The following SPECC1 variants were observed in gnomAD, a reference collection of about 807,000 sequenced individuals.
SPECC1 encodes the protein cytospin-B.
SPECC1 carries 62 observed loss-of-function variants against 104.1 expected under a neutral mutation model. The ratio of observed to expected loss-of-function variants is 0.60; its 90% CI spans 0.49 to 0.74. SPECC1 has a LOEUF of 0.74. Ranked by LOEUF, SPECC1 falls within the 30% of genes least tolerant of loss-of-function variation. The probability of loss-of-function intolerance (pLI) is 0.00; values close to 1 mark genes in which losing one functional copy is unlikely to be tolerated. For missense variants in SPECC1, 1,306 were observed against 1,310.5 expected, an observed-to-expected ratio of 1.00 and a Z score of 0.05; for synonymous variants, 513 against 501.6, an observed-to-expected ratio of 1.02 and a Z score of -0.30.
intron 7 of SPECC1, chr17:20,237,096 T>C (rs1229585713): frequency 1.4e-6 from 2 of 1,411,884 alleles, no homozygotes; most frequent in Admixed American, 2.9e-5. Flanking sequence ...TGATCAAAGA[T>C]GATGTTTCCC....
chr17:20,072,555 C>T (rs1252057268), intron 1 of SPECC1, among the ~76,000 whole-genome samples: 1 of 152,234 alleles, frequency 6.6e-6, no homozygotes, highest in Non-Finnish European at 1.5e-5. Context: ...TGAGAGGCAG[C>T]AGCCTTGGCC....
Position 20,236,734 on chromosome 17 carries a change from C to T in SPECC1, c.2351+4329C>T. On this transcript the variant is annotated intron_variant, in intron 7 of 14. Transcript: ENST00000395527. Reference sequence around the variant, plus strand: ...ACAGTAGGACTTAAAATCTGTTGGCCTATCCTGGACATTAGCTTTTCCCTG... The same window carrying T: ...ACAGTAGGACTTAAAATCTGTTGGCTTATCCTGGACATTAGCTTTTCCCTG... 4.1e-6 allele frequency: 5 copies of T among 1,221,492 alleles called. No homozygotes were observed. The South Asian group carries it at 5.4e-5, about 13-fold the overall frequency. The allele number at this position is 1,221,492 out of a possible 1,614,324, so 75.7% of individuals were successfully genotyped here.
At chr17:20,248,819 T>C (rs1234847789) in intron 9 of SPECC1, among the ~76,000 whole-genome samples, 3 of 152,268 alleles carry the variant, frequency 2.0e-5, no homozygotes, top group Non-Finnish European at 4.4e-5. Context: ...TTAATAGTTA[T>C]CTTTTACTGA....
At chr17:20,289,599 C>A (rs2041087404) in intron 12 of SPECC1, among the ~76,000 whole-genome samples, 2 of 152,100 alleles carry the variant, frequency 1.3e-5, no homozygotes, top group Admixed American at 6.5e-5. Context: ...AGCTACTGTG[C>A]CTGGCCAAAA....
intron 3 of SPECC1, chr17:20,112,940 A>C: frequency 1.4e-6 from 2 of 1,410,172 alleles, no homozygotes; most frequent in South Asian, 2.3e-5. Flanking sequence ...GAAGGGAGCT[A>C]GATTTGAAGA....
At chr17:20,311,354 T>C (rs2041925816) in intron 14 of SPECC1, among the ~76,000 whole-genome samples, 1 of 152,072 alleles carries the variant, frequency 6.6e-6, no homozygotes. Context: ...CGTTTAGCAC[T>C]AGCTAGAACT....
chr17:20,066,399 G>A, intron 1 of SPECC1, among the ~76,000 whole-genome samples: 1 of 152,326 alleles, frequency 6.6e-6, no homozygotes, highest in African/African-American at 2.4e-5. Flanking sequence ...GTTCTGTGCA[G>A]AGCTGGCTGG....
chr17:20,074,001 A>G (rs747146045), intron 1 of SPECC1, among the ~76,000 whole-genome samples: 12 of 152,328 alleles, frequency 7.9e-5, no homozygotes, highest in Non-Finnish European at 1.6e-4. Context: ...TCAAGTTAAT[A>G]TATGAAGTTC....
intron 1 of SPECC1, among the ~76,000 whole-genome samples, chr17:20,045,628 G>A (rs1246651749): frequency 1.3e-5 from 2 of 152,126 alleles, no homozygotes; most frequent in Non-Finnish European, 1.5e-5. Context: ...CCTTTGAGAT[G>A]GTGTGACCCT....
intron 4 of SPECC1, among the ~76,000 whole-genome samples, chr17:20,218,630 T>G (rs746574011): frequency 2.2e-4 from 33 of 152,074 alleles, no homozygotes; most frequent in Non-Finnish European, 4.7e-4. Flanking sequence ...CCTCCCTTAT[T>G]CTTTTTTTCT....
chr17:20,181,669 A>G (rs73301566), intron 3 of SPECC1, among the ~76,000 whole-genome samples: 3,282 of 152,244 alleles, frequency 0.022, 124 homozygotes, highest in African/African-American at 0.074. Flanking sequence ...CCTAAGAATA[A>G]GAGAATTTGT....
rs1314778377 is a variant in SPECC1 at position 20,239,051 on chromosome 17, G to A, written c.2351+6646G>A. The A allele has an allele frequency of 2.9e-6, 3 of 1,032,754 alleles. No homozygotes were observed. In the African/African-American group the frequency reaches 5.1e-5, roughly 17 times the overall value. The allele number at this position is 1,032,754 out of a possible 1,614,324, so 64.0% of individuals were successfully genotyped here. Reference sequence around the variant, plus strand: ...AGCTGGATGTAAGTTGTAAATAGGAGGTTGACATGGAATATGAACAGTTTC... The same window carrying A: ...AGCTGGATGTAAGTTGTAAATAGGAAGTTGACATGGAATATGAACAGTTTC... On this transcript the variant is annotated intron_variant, in intron 7 of 14. Transcript: ENST00000395527.
intron 4 of SPECC1, among the ~76,000 whole-genome samples, chr17:20,207,719 C>T (rs1280448544): frequency 6.6e-6 from 1 of 152,104 alleles, no homozygotes; most frequent in Non-Finnish European, 1.5e-5. Flanking sequence ...TGCTGTATGT[C>T]CTTTCAGGCC....
chr17:20,308,249 TGTG>T (rs1388914749), intron 14 of SPECC1, among the ~76,000 whole-genome samples: 1 of 151,630 alleles, frequency 6.6e-6, no homozygotes, highest in African/African-American at 2.4e-5. Context: ...ATTGGCCAGG[TGTG>T]GTGGCGGGCA....
intron 1 of SPECC1, among the ~76,000 whole-genome samples, chr17:20,043,738 C>CT (rs2045425074): frequency 6.6e-6 from 1 of 152,138 alleles, no homozygotes; most frequent in Non-Finnish European, 1.5e-5. Flanking sequence ...GCCCTGCTTC[C>CT]TTTTAGTAAG....
chr17:20,143,056 T>TA (rs1404866210), intron 3 of SPECC1, among the ~76,000 whole-genome samples: 2 of 148,982 alleles, frequency 1.3e-5, no homozygotes, highest in African/African-American at 5.0e-5. Flanking sequence ...TTACCACAAT[T>TA]AAAAAATAAA....
In SPECC1 at chr17:20,315,429, C is replaced by T; in HGVS notation, c.*1364C>T. 1 of 232,888 alleles carries T rather than the reference C, an allele frequency of 4.3e-6. No individual in the cohort carries two copies. Among genetic ancestry groups the T allele is most frequent in the Non-Finnish European group, 8.5e-6 (1 of 117,822 alleles). The allele number at this position is 232,888 out of a possible 1,614,324, so 14.4% of individuals were successfully genotyped here. On this transcript the variant is annotated 3_prime_UTR_variant, in exon 15 of 15. Coordinates refer to ENST00000395527, the MANE Select transcript of SPECC1 (RefSeq NM_001243439.2). ...CATCTGGTGGCTCTGCCGTGTTCTTCTGGGCGGATCTGTGTGCACTACACA... is the reference window on the plus strand; with the variant it reads ...CATCTGGTGGCTCTGCCGTGTTCTTTTGGGCGGATCTGTGTGCACTACACA...
At chr17:20,200,504 A>G (rs1042532595) in intron 3 of SPECC1, among the ~76,000 whole-genome samples, 4 of 152,174 alleles carry the variant, frequency 2.6e-5, no homozygotes, top group Non-Finnish European at 5.9e-5. Context: ...GAGCAGCACA[A>G]AAGATCCAAT....
rs181314074 is a variant in SPECC1, at chr17:20,013,474, C to T, written c.-22+4050C>T. On this transcript the variant is annotated intron_variant, in intron 1 of 14. Transcript: ENST00000395527. Reference sequence around the variant, plus strand: ...ATTTATTTTGATTACTGATCTTTTGCGGATTATTCCTGTCATCTTATTTTA... The same window carrying T: ...ATTTATTTTGATTACTGATCTTTTGTGGATTATTCCTGTCATCTTATTTTA... 1.4e-3 allele frequency among the ~76,000 whole-genome samples: 219 copies of T among 152,158 alleles called. 4 individuals carry two copies. Among genetic ancestry groups the T allele is most frequent in the Non-Finnish European group, 2.2e-3 (151 of 67,996 alleles).
Sources: allele counts gnomAD v4.1 joint callset (sites outside exome capture counted in the v4.1 genomes callset), GRCh38; gene constraint gnomAD v4.1.1; transcripts MANE v1.5; gene names NCBI Gene and HGNC (gene_info 2026-07-23, HGNC 2026-07-21).